Variants in COL8A1 observed in about 807,000 individuals in gnomAD.
COL8A1 encodes the protein collagen type VIII alpha 1 chain.
COL8A1 carries 21 observed loss-of-function variants against 42.7 expected under a neutral mutation model. The observed-to-expected ratio is 0.49, with a 90% CI of 0.35 to 0.71. The LOEUF (loss-of-function observed/expected upper bound fraction) is 0.71. Among genes scored for constraint, COL8A1 ranks in the 30% least tolerant of loss-of-function variants. The probability of loss-of-function intolerance (pLI) is 0.01; values close to 1 mark genes in which losing one functional copy is unlikely to be tolerated. For missense variants in COL8A1, 788 were observed against 962.4 expected (o/e 0.82, Z 2.40); for synonymous variants, 367 against 369.1 (o/e 0.99, Z 0.06).
chr3:99,790,863 A>C lies in COL8A1; in HGVS notation c.181A>C (p.Met61Leu), dbSNP rs755473223. The C allele has an allele frequency of 6.2e-7, 1 of 1,614,158 alleles. No individual in the cohort carries two copies. Among genetic ancestry groups the C allele is most frequent in the African/African-American group, 1.3e-5 (1 of 74,954 alleles). The change falls in exon 3 of 4, where the codon ATG becomes CTG. Residue 61 changes from methionine to leucine, a missense_variant. Around this residue, in one of 4 missense-constraint regions of COL8A1, gnomAD observed 421 missense variants for 553.1 expected, o/e 0.76. Coordinates refer to ENST00000652472, the MANE Select transcript of COL8A1 (RefSeq NM_020351.4). ...YQPLGQQVPH[M>L]PLAKDGLAMG... ...GCCCCTGGGTCAGCAAGTACCTCACATGCCTTTGGCCAAAGATGGCCTTGC... is the reference window on the plus strand; with the variant it reads ...GCCCCTGGGTCAGCAAGTACCTCACCTGCCTTTGGCCAAAGATGGCCTTGC...
At chr3:99,694,869 A>T (rs899949885) in intron 1 of COL8A1, among the ~76,000 whole-genome samples, 7 of 152,224 alleles carry the variant, frequency 4.6e-5, no homozygotes, top group Non-Finnish European at 1.0e-4. Flanking sequence ...AGCAAAATGC[A>T]TACCTTCTTG....
intron 1 of COL8A1, among the ~76,000 whole-genome samples, chr3:99,692,397 T>C (rs1345385711): frequency 6.6e-6 from 1 of 152,276 alleles, no homozygotes; most frequent in Non-Finnish European, 1.5e-5. Flanking sequence ...ATATTGAGTT[T>C]AATGGACATT....
chr3:99,782,368 T>G (rs189112703), intron 2 of COL8A1, among the ~76,000 whole-genome samples: 71 of 152,164 alleles, frequency 4.7e-4, no homozygotes, highest in African/African-American at 1.6e-3. Context: ...CTTGAGTACC[T>G]AAGTTCCTAA....
chr3:99,785,435 G>A (rs1941875722), intron 2 of COL8A1, among the ~76,000 whole-genome samples: 1 of 152,092 alleles, frequency 6.6e-6, no homozygotes, highest in Non-Finnish European at 1.5e-5. Flanking sequence ...ACATAAGCTT[G>A]GTTACAATTA....
intron 2 of COL8A1, among the ~76,000 whole-genome samples, chr3:99,786,467 G>T (rs1169530935): frequency 6.6e-6 from 1 of 151,942 alleles, no homozygotes; most frequent in African/African-American, 2.4e-5. Flanking sequence ...CCAGAAAGTG[G>T]GTCTTCACTA....
chr3:99,707,739 G>T (rs550589807), intron 1 of COL8A1, among the ~76,000 whole-genome samples: 1 of 152,190 alleles, frequency 6.6e-6, no homozygotes, highest in East Asian at 1.9e-4. Flanking sequence ...AAACAAGTAA[G>T]AAAAGTAATA....
rs1176597520 is a variant in COL8A1, at chr3:99,744,965, G to A, written c.-60G>A. The A allele has an allele frequency of 6.6e-6, 1 of 152,162 alleles. No individual in the cohort carries two copies. Among genetic ancestry groups the A allele is most frequent in the African/African-American group, 2.4e-5 (1 of 41,394 alleles). The allele number at this position is 152,162 out of a possible 1,614,324, so 9.4% of individuals were successfully genotyped here. ...ACCAGCCCCAGAGGTGTCACAGGAA[G>A]GCACCAGCAAGGACATTGGTCTTTG... On this transcript the variant is annotated 5_prime_UTR_variant, in exon 2 of 4. Coordinates refer to ENST00000652472, the MANE Select transcript of COL8A1 (RefSeq NM_020351.4).
intron 1 of COL8A1, chr3:99,680,116 G>C (rs1038000058): frequency 6.6e-6 from 1 of 151,882 alleles, no homozygotes; most frequent in South Asian, 2.1e-4. Context: ...ATTTACATTA[G>C]GTATATCTCC....
At chr3:99,755,922 A>G (rs993002942) in intron 2 of COL8A1, among the ~76,000 whole-genome samples, 2 of 152,148 alleles carry the variant, frequency 1.3e-5, no homozygotes, top group South Asian at 4.1e-4. Flanking sequence ...GATTTTGAAC[A>G]GAGTGACAGG....
chr3:99,795,759 G>A lies in COL8A1; in HGVS notation c.1858G>A (p.Ala620Thr), dbSNP rs147290721. 9.3e-6 allele frequency: 15 copies of A among 1,613,982 alleles called. No homozygotes were observed. Among genetic ancestry groups the A allele is most frequent in the African/African-American group, 6.7e-5 (5 of 74,880 alleles). Residue 620 changes from alanine to threonine, a missense_variant, in exon 4 of 4, where the codon GCC becomes ACC. Physicochemically the swap from Ala to Thr is moderately conservative, Grantham distance 58. This residue lies in a region of COL8A1 where 212 missense variants were observed against 210.9 expected (regional missense o/e 1.00). Coordinates refer to ENST00000652472, the MANE Select transcript of COL8A1 (RefSeq NM_020351.4). ...GPAYEMPAFTAELTAPFPPVG... is the reference protein window; with the variant it reads ...GPAYEMPAFTTELTAPFPPVG... ...AGCCTATGAGATGCCTGCATTTACC[G>A]CCGAGCTAACCGCACCTTTCCCACC...
intron 2 of COL8A1, among the ~76,000 whole-genome samples, chr3:99,758,047 C>T (rs761836653): frequency 1.2e-4 from 19 of 152,132 alleles, no homozygotes; most frequent in Non-Finnish European, 2.5e-4. Flanking sequence ...CAAAAACTTA[C>T]TTTTGCATCA....
chr3:99,760,462 C>T (rs555324895), intron 2 of COL8A1, among the ~76,000 whole-genome samples: 15 of 152,206 alleles, frequency 9.9e-5, no homozygotes, highest in Admixed American at 2.0e-4. Flanking sequence ...TTTGCTGCCC[C>T]CTCTCCCATA....
intron 1 of COL8A1, among the ~76,000 whole-genome samples, chr3:99,653,201 A>G (rs1321533095): frequency 6.6e-6 from 1 of 152,240 alleles, no homozygotes; most frequent in East Asian, 1.9e-4. Context: ...CACAGCGGTC[A>G]TTTAGGTGAG....
intron 1 of COL8A1, among the ~76,000 whole-genome samples, chr3:99,693,063 GT>G (rs1939268132): frequency 6.6e-6 from 1 of 152,188 alleles, no homozygotes; most frequent in Non-Finnish European, 1.5e-5. Flanking sequence ...AGAGGCGCGT[GT>G]TTGTAATCCC....
rs1311199620 is a variant in COL8A1 at position 99,638,624 on chromosome 3, G to A, written c.-169G>A. The A allele has an allele frequency of 6.6e-6, 1 of 152,366 alleles. No individual in the cohort carries two copies. Among genetic ancestry groups the A allele is most frequent in the African/African-American group, 2.4e-5 (1 of 41,388 alleles). The allele number at this position is 152,366 out of a possible 1,614,324, so 9.4% of individuals were successfully genotyped here. On this transcript the variant is annotated 5_prime_UTR_variant, in exon 1 of 4. Coordinates refer to ENST00000652472, the MANE Select transcript of COL8A1 (RefSeq NM_020351.4). ...ACAGCCCTTCCCCGATCCTCTCCGT[G>A]GGAGCCAGCGAGCCTCTCTCCCTGA...
intron 1 of COL8A1, among the ~76,000 whole-genome samples, chr3:99,696,575 C>G (rs2107340867): frequency 6.6e-6 from 1 of 152,312 alleles, no homozygotes; most frequent in African/African-American, 2.4e-5. Flanking sequence ...AGGGGACAGG[C>G]AGACAGCACA....
At chr3:99,694,164 A>C (rs578215392) in intron 1 of COL8A1, among the ~76,000 whole-genome samples, 32 of 152,270 alleles carry the variant, frequency 2.1e-4, no homozygotes, top group Admixed American at 7.2e-4. Context: ...CATCACTATC[A>C]TGTGACAGAT....
chr3:99,734,010 T>C (rs1160539359), intron 1 of COL8A1, among the ~76,000 whole-genome samples: 2 of 152,072 alleles, frequency 1.3e-5, no homozygotes, highest in Non-Finnish European at 2.9e-5. Flanking sequence ...GTTTCTTTCT[T>C]GTAAATTTGT....
At chr3:99,700,408 C>G (rs1180350901) in intron 1 of COL8A1, among the ~76,000 whole-genome samples, 2 of 152,082 alleles carry the variant, frequency 1.3e-5, no homozygotes, top group Non-Finnish European at 2.9e-5. Flanking sequence ...CTGGGAGTCA[C>G]AGGCTCACCC....
Sources: gnomAD v4.1 joint callset for allele counts (sites outside exome capture counted in the v4.1 genomes callset) on GRCh38, gnomAD v4.1.1 for gene constraint, gnomAD v4.1.1 regional missense constraint, MANE v1.5 for transcripts, NCBI Gene and HGNC (gene_info 2026-07-23, HGNC 2026-07-21) for gene names.